SKAP1: variants seen among roughly 807,000 people sequenced by gnomAD.
SKAP1 encodes the protein src kinase-associated phosphoprotein 1.
In SKAP1, 44 loss-of-function variants were observed where a neutral mutation model predicts 58.5. That is an observed-to-expected ratio of 0.75 (90% CI 0.59 to 0.97). The LOEUF (loss-of-function observed/expected upper bound fraction) is 0.97. Among genes scored for constraint, SKAP1 ranks in the 50% least tolerant of loss-of-function variants. The pLI is 0.00. For missense variants in SKAP1, 390 were observed against 435.2 expected (o/e 0.90, Z 0.92); for synonymous variants, 127 against 149.7 (o/e 0.85, Z 1.11).
At chr17:48,165,027 A>G (rs1378921186) in intron 10 of SKAP1, among the ~76,000 whole-genome samples, 3 of 152,262 alleles carry the variant, frequency 2.0e-5, no homozygotes, top group East Asian at 1.9e-4. Flanking sequence ...TTGGCCACAC[A>G]TGAGCCCTCC....
intron 2 of SKAP1, among the ~76,000 whole-genome samples, chr17:48,386,981 T>C (rs1228083760): frequency 6.6e-6 from 1 of 152,208 alleles, no homozygotes; most frequent in Non-Finnish European, 1.5e-5. Flanking sequence ...GAAAACTCAA[T>C]TTCACAAGAG....
intron 2 of SKAP1, among the ~76,000 whole-genome samples, chr17:48,370,912 A>C (rs902178381): frequency 2.2e-4 from 34 of 152,232 alleles, no homozygotes; most frequent in African/African-American, 8.0e-4. Context: ...ATTTTTTTAA[A>C]TATGGCATAT....
Position 48,332,061 on chromosome 17 carries a change from CT to C in SKAP1, c.280+13843del, listed in dbSNP as rs368245790. Among the ~76,000 whole-genome samples the C allele has an allele frequency of 7.3e-3, 1,111 of 152,080 alleles. 11 individuals are homozygous for C. Among genetic ancestry groups the C allele is most frequent in the African/African-American group, 0.021 (890 of 41,494 alleles). ...TAAGTAGAAAAGTAACTTGTAATGC[CT>C]TTTTAAAAACTACCTCATGATTTTA... On this transcript the variant is annotated intron_variant, in intron 4 of 12. Coordinates refer to ENST00000336915, the MANE Select transcript of SKAP1 (RefSeq NM_003726.4).
intron 4 of SKAP1, among the ~76,000 whole-genome samples, chr17:48,340,623 G>C (rs1272135042): frequency 6.6e-6 from 1 of 151,954 alleles, no homozygotes; most frequent in Admixed American, 6.6e-5. Context: ...ACATTATAAA[G>C]TAATAAAATC....
At chr17:48,342,275 T>G (rs2066663356) in intron 4 of SKAP1, among the ~76,000 whole-genome samples, 1 of 152,172 alleles carries the variant, frequency 6.6e-6, no homozygotes. Flanking sequence ...TGTGGGTGTC[T>G]CTCTCTGCCT....
chr17:48,429,242 T>G (rs2067886582), intron 1 of SKAP1, among the ~76,000 whole-genome samples: 1 of 152,172 alleles, frequency 6.6e-6, no homozygotes, highest in African/African-American at 2.4e-5. Context: ...CCCTGGAAGG[T>G]TAGTTACAGG....
At chr17:48,139,807 C>T (rs1349227925) in intron 11 of SKAP1, among the ~76,000 whole-genome samples, 3 of 152,230 alleles carry the variant, frequency 2.0e-5, no homozygotes, top group South Asian at 2.1e-4. Flanking sequence ...CACCAGCCAC[C>T]AAAGCAGGAA....
At chr17:48,406,134 A>G (rs2144565532) in intron 1 of SKAP1, among the ~76,000 whole-genome samples, 1 of 150,390 alleles carries the variant, frequency 6.6e-6, no homozygotes, top group East Asian at 2.0e-4. Flanking sequence ...GCGTGGTGGC[A>G]CACATCTGTA....
intron 4 of SKAP1, among the ~76,000 whole-genome samples, chr17:48,252,795 C>G (rs1287259312): frequency 6.6e-6 from 1 of 151,330 alleles, no homozygotes; most frequent in African/African-American, 2.4e-5. Context: ...CTTACAACCA[C>G]AGCCAATATG....
At chr17:48,411,438 T>C (rs943303672) in intron 1 of SKAP1, among the ~76,000 whole-genome samples, 11 of 151,158 alleles carry the variant, frequency 7.3e-5, no homozygotes, top group Non-Finnish European at 1.5e-4. Context: ...AATAAATAAA[T>C]GGGAGACAAG....
intron 4 of SKAP1, among the ~76,000 whole-genome samples, chr17:48,240,098 G>A (rs1157800191): frequency 6.6e-6 from 1 of 152,026 alleles, no homozygotes. Context: ...TCTAATAATG[G>A]CCTCTCTGGA....
intron 4 of SKAP1, among the ~76,000 whole-genome samples, chr17:48,234,401 G>A (rs1315343231): frequency 1.3e-5 from 2 of 152,160 alleles, no homozygotes; most frequent in African/African-American, 2.4e-5. Flanking sequence ...ATATGCTAAT[G>A]ATTATGTCAC....
At chr17:48,442,957 C>G in the SKAP1 span, among the ~76,000 whole-genome samples, 1 of 152,220 alleles carries the variant, frequency 6.6e-6, no homozygotes, top group Non-Finnish European at 1.5e-5. Context: ...TCCTGCTTAT[C>G]TTTCTAGCCT....
chr17:48,440,891 G>A, the SKAP1 span, among the ~76,000 whole-genome samples: 1 of 152,276 alleles, frequency 6.6e-6, no homozygotes, highest in East Asian at 1.9e-4. Flanking sequence ...AAACTGACAG[G>A]AAACAGACAG....
intron 4 of SKAP1, among the ~76,000 whole-genome samples, chr17:48,238,459 G>A (rs975056550): frequency 5.9e-5 from 9 of 151,966 alleles, no homozygotes; most frequent in African/African-American, 2.2e-4. Flanking sequence ...GGAGTACAGT[G>A]GATGATCACA....
chr17:48,243,623 A>G (rs1006036271), intron 4 of SKAP1, among the ~76,000 whole-genome samples: 3 of 152,206 alleles, frequency 2.0e-5, no homozygotes, highest in Non-Finnish European at 4.4e-5. Flanking sequence ...CATCAATATA[A>G]AAAATTTAAT....
At chr17:48,159,152 G>T (rs1240260373) in intron 11 of SKAP1, among the ~76,000 whole-genome samples, 1 of 152,128 alleles carries the variant, frequency 6.6e-6, no homozygotes, top group Non-Finnish European at 1.5e-5. Flanking sequence ...GTATTTATGA[G>T]AACTGAAAAC....
In SKAP1 at chr17:48,369,842, G is replaced by A. The variant is rs528200519; in HGVS notation, c.153-6028C>T. Among the ~76,000 whole-genome samples the A allele has an allele frequency of 2.6e-5, 4 of 152,306 alleles. No individual in the cohort carries two copies. In the East Asian group the frequency reaches 7.7e-4, roughly 29 times the overall value. ...TCAGTTTCAGAACAGGACCTCTAAT[G>A]AGAAACTAAGGAGGAAAGTCTTGAA... On this transcript the variant is annotated intron_variant, in intron 2 of 12. Transcript: ENST00000336915.
intron 4 of SKAP1, among the ~76,000 whole-genome samples, chr17:48,295,853 GC>G (rs2065962746): frequency 6.6e-6 from 1 of 150,996 alleles, no homozygotes; most frequent in Admixed American, 6.6e-5. Flanking sequence ...AAAATTCTAA[GC>G]ATTAGGAAAA....
Sources: gnomAD v4.1 joint callset for allele counts (sites outside exome capture counted in the v4.1 genomes callset) on GRCh38, gnomAD v4.1.1 for gene constraint, MANE v1.5 for transcripts, NCBI Gene and HGNC (gene_info 2026-07-23, HGNC 2026-07-21) for gene names.